Variants in TSSC4 observed in about 807,000 individuals in gnomAD.
TSSC4 encodes tumor suppressing subtransferable candidate 4.
For synonymous variants in TSSC4, 259 were observed against 197.9 expected, an observed-to-expected ratio of 1.31 and a Z score of -2.59; for missense variants, 500 against 443.9, an observed-to-expected ratio of 1.13 and a Z score of -1.14.
chr11:2,402,937 G>A lies in TSSC4; in HGVS notation c.304G>A (p.Gly102Arg). 4 of 1,611,482 alleles carry A rather than the reference G, an allele frequency of 2.5e-6. No individual in the cohort carries two copies. The highest frequency in any genetic ancestry group is 2.2e-5 in the South Asian group (2 of 90,800). ...RSRDIFDCLE[G>R]AARRAPSSVA... ...CCGTGACATCTTTGACTGCCTGGAG[G>A]GGGCGGCCAGACGGGCTCCATCCTC... is the stretch of plus-strand genomic sequence containing the variant. Residue 102 changes from glycine (G) to arginine (R), a missense_variant, in exon 3 of 3, where the codon GGG becomes AGG. Coordinates refer to ENST00000333256, the MANE Select transcript of TSSC4 (RefSeq NM_005706.4).
rs756753103 is a variant in TSSC4 at position 2,403,568 on chromosome 11, G to A, written c.935G>A (p.Arg312Gln). ...VGFHGSRKRS[R>Q]DHFRNKSSSP... is the part of the protein sequence containing the mutation. ...TTCCATGGCAGCAGGAAGCGGAGTC[G>A]AGACCACTTCCGGAACAAGAGCAGC... The change falls in exon 3 of 3, where the codon CGA (arginine) becomes CAA (glutamine). Residue 312 changes from arginine (R) to glutamine (Q), a missense_variant. Transcript: ENST00000333256. The A allele has an allele frequency of 4.5e-5, 70 of 1,564,142 alleles. No individual in the cohort carries two copies. Among genetic ancestry groups the A allele is most frequent in the Non-Finnish European group, 5.6e-5 (65 of 1,158,112 alleles).
chr11:2,401,146 C>T (rs973878526), intron 1 of TSSC4: 1 of 152,258 alleles, frequency 6.6e-6, no homozygotes, highest in African/African-American at 2.4e-5. Context: ...GTCAACTCTA[C>T]CTTCCACTCG....
chr11:2,402,510 G>C, intron 2 of TSSC4, 60 bp downstream of exon 2: 1 of 1,106,392 alleles, frequency 9.0e-7, no homozygotes, highest in Non-Finnish European at 1.3e-6. Context: ...AGTTCTGTCA[G>C]TTGACCCTCC....
Position 2,403,015 on chromosome 11 carries a change from C to T in TSSC4, c.382C>T (p.Pro128Ser), listed in dbSNP as rs1451729448. The change falls in exon 3 of 3, where the codon CCC (proline) becomes TCC (serine). Residue 128 changes from proline to serine, a missense_variant. Physicochemically the swap from Pro to Ser is moderately conservative, Grantham distance 74. Transcript: ENST00000333256. Reference protein sequence around the residue: ...DNGGFKRPLAPSGRSPVEGLG... With the variant: ...DNGGFKRPLASSGRSPVEGLG... ...CGGAGGCTTCAAGCGGCCCCTAGCG[C>T]CCTCAGGCCGGTCTCCAGTGGAAGG... 3 of 1,608,372 alleles carry T rather than the reference C, an allele frequency of 1.9e-6. No individual in the cohort carries two copies. Among genetic ancestry groups the T allele is most frequent in the African/African-American group, 1.3e-5 (1 of 74,940 alleles).
At chr11:2,401,173 A>G (rs565544664) in intron 1 of TSSC4, 5 of 152,286 alleles carry the variant, frequency 3.3e-5, no homozygotes, top group African/African-American at 1.2e-4. Context: ...GCTTTCGCCG[A>G]GAACCCCGAG....
chr11:2,403,155 C>G lies in TSSC4; in HGVS notation c.522C>G (p.Ser174Arg). ...KYSLEDVTEV[S>R]EQSNQATALA... ...GCCTGGAAGATGTGACCGAGGTCAG[C>G]GAGCAGAGCAATCAGGCCACCGCCC... The change falls in exon 3 of 3, where the codon AGC becomes AGG. Residue 174 changes from serine (S) to arginine (R), a missense_variant. By Grantham distance (110) the Ser-to-Arg change is moderately radical. Coordinates refer to ENST00000333256, the MANE Select transcript of TSSC4 (RefSeq NM_005706.4). 3.1e-6 allele frequency: 5 copies of G among 1,611,978 alleles called. No homozygotes were observed. The highest frequency in any genetic ancestry group is 4.2e-6 in the Non-Finnish European group (5 of 1,179,318).
At position 2,402,752 on chromosome 11, in the gene TSSC4, T is replaced by C; in HGVS notation, c.119T>C (p.Leu40Ser). The change falls in exon 3 of 3, where the codon TTG becomes TCG. Residue 40 changes from leucine to serine, a missense_variant. Leu to Ser is a moderately radical substitution (Grantham distance 145, BLOSUM62 -2). Transcript: ENST00000333256. ...AGTGACTCGGACTCTGACCTCAGCT[T>C]GCCCGGTGGTGCTGAAGTGGAAGCA... is the stretch of plus-strand genomic sequence containing the variant. ...SLSDSDSDLS[L>S]PGGAEVEALS... is the part of the protein sequence containing the mutation. 6.4e-7 allele frequency: 1 copy of C among 1,570,368 alleles called. No individual in the cohort carries two copies. Among genetic ancestry groups the C allele is most frequent in the Non-Finnish European group, 8.6e-7 (1 of 1,157,106 alleles).
chr11:2,403,501 A>T lies in TSSC4; in HGVS notation c.868A>T (p.Ser290Cys). The change falls in exon 3 of 3, where the codon AGT becomes TGT. Residue 290 changes from serine to cysteine, a missense_variant. Transcript: ENST00000333256. ...EVEALSGSVHSGSVPGLPPVE... is the reference protein window; with the variant it reads ...EVEALSGSVHCGSVPGLPPVE... Reference sequence around the variant, plus strand: ...GGAGGCACTGTCAGGGTCTGTCCACAGTGGGTCTGTGCCAGGTCTCCCGCC... The same window carrying T: ...GGAGGCACTGTCAGGGTCTGTCCACTGTGGGTCTGTGCCAGGTCTCCCGCC... 1 of 1,602,046 alleles carries T rather than the reference A, an allele frequency of 6.2e-7. No individual in the cohort carries two copies. Among genetic ancestry groups the T allele is most frequent in the Non-Finnish European group, 8.5e-7 (1 of 1,173,996 alleles).
rs761947656 is a variant in TSSC4 at position 2,403,453 on chromosome 11, CA to C, written c.821del (p.His274ProfsTer141). ...CCCAGAGGCTGAGGAGTGGGGCAGC[CA>C]CCATGGAGGCCTGCAGGAGGTGGAG... ...GSPEAEEWGS[H>X]HGGLQEVEAL... On this transcript the variant is annotated frameshift_variant, in exon 3 of 3. Coordinates refer to ENST00000333256, the MANE Select transcript of TSSC4 (RefSeq NM_005706.4). LOFTEE classifies it low-confidence loss of function (END_TRUNC). The C allele has an allele frequency of 5.6e-6, 9 of 1,597,182 alleles. No individual in the cohort carries two copies. The highest frequency in any genetic ancestry group is 7.7e-6 in the Non-Finnish European group (9 of 1,170,942).
rs1274482991 is a variant in TSSC4 at position 2,400,806 on chromosome 11, T to A, written c.-181+8T>A. ...CCGAGCAGCCTTGAGCCGGTAGGTT[T>A]GTGGTGAGGGAGGACGGGCCGCGCG... is the stretch of plus-strand genomic sequence containing the variant. On this transcript the variant is annotated splice_region_variant and intron_variant, in intron 1 of 2. Transcript: ENST00000333256. The A allele has an allele frequency of 6.6e-6, 1 of 151,596 alleles. No individual in the cohort carries two copies. The highest frequency in any genetic ancestry group is 1.5e-5 in the Non-Finnish European group (1 of 67,886). The allele number at this position is 151,596 out of a possible 1,614,324, so 9.4% of individuals were successfully genotyped here. A position where few individuals can be genotyped will look rare whatever the true frequency, so the allele number is the denominator to read the frequency against.
Position 2,403,097 on chromosome 11 carries a change from A to G in TSSC4, c.464A>G (p.Tyr155Cys). Reference protein sequence around the residue: ...ASPRVPPVPDYVAHPERWTKY... With the variant: ...ASPRVPPVPDCVAHPERWTKY... ...CCAAGGGTGCCTCCGGTCCCCGACTACGTGGCACACCCCGAGCGCTGGACC... is the reference window on the plus strand; with the variant it reads ...CCAAGGGTGCCTCCGGTCCCCGACTGCGTGGCACACCCCGAGCGCTGGACC... The change falls in exon 3 of 3, where the codon TAC (tyrosine) becomes TGC (cysteine). Residue 155 changes from tyrosine to cysteine, a missense_variant. By Grantham distance (194) the Tyr-to-Cys change is radical. Coordinates refer to ENST00000333256, the MANE Select transcript of TSSC4 (RefSeq NM_005706.4). 6.2e-7 allele frequency: 1 copy of G among 1,612,352 alleles called. No homozygotes were observed. Among genetic ancestry groups the G allele is most frequent in the Non-Finnish European group, 8.5e-7 (1 of 1,179,824 alleles).
Position 2,402,790 on chromosome 11 carries a change from G to C in TSSC4, c.157G>C (p.Gly53Arg). 2 of 1,575,180 alleles carry C rather than the reference G, an allele frequency of 1.3e-6. No individual in the cohort carries two copies. The highest frequency in any genetic ancestry group is 1.7e-6 in the Non-Finnish European group (2 of 1,159,736). The part of the protein sequence containing the change: ...GAEVEALSPM[G>R]LPGEEDSGPD... ...TGAAGTGGAAGCACTGTCCCCGATGGGGCTGCCTGGGGAGGAGGATTCAGG... is the reference window on the plus strand; with the variant it reads ...TGAAGTGGAAGCACTGTCCCCGATGCGGCTGCCTGGGGAGGAGGATTCAGG... The change falls in exon 3 of 3, where the codon GGG (glycine) becomes CGG (arginine). Residue 53 changes from glycine to arginine, a missense_variant. By Grantham distance (125) the Gly-to-Arg change is moderately radical (BLOSUM62 -2). Coordinates refer to ENST00000333256, the MANE Select transcript of TSSC4 (RefSeq NM_005706.4).
rs371533130 is a variant in TSSC4, at chr11:2,401,509, G to A, written c.-181+711G>A. The A allele has an allele frequency of 7.2e-5, 11 of 152,404 alleles. No homozygotes were observed. In the East Asian group the frequency reaches 1.9e-3, roughly 27 times the overall value. The allele number at this position is 152,404 out of a possible 1,614,324, so 9.4% of individuals were successfully genotyped here. On this transcript the variant is annotated intron_variant, in intron 1 of 2. Coordinates refer to ENST00000333256, the MANE Select transcript of TSSC4 (RefSeq NM_005706.4). ...AGGTCCTGCCTGTGTTCGACCTGGT[G>A]GGGGGCACTAAGAGCCCCTGATAGT...
Position 2,403,405 on chromosome 11 carries a change from G to C in TSSC4, c.772G>C (p.Ala258Pro), listed in dbSNP as rs750700815. The change falls in exon 3 of 3, where the codon GCC (alanine) becomes CCC (proline). Residue 258 changes from alanine to proline, a missense_variant. Physicochemically the swap from Ala to Pro is conservative, Grantham distance 27. Coordinates refer to ENST00000333256, the MANE Select transcript of TSSC4 (RefSeq NM_005706.4). ...CAGGGGCGAGGGCCCTGTGGAGCTGGCCCATCTGGCCGGGCCCGGGAGCCC... is the reference window on the plus strand; with the variant it reads ...CAGGGGCGAGGGCCCTGTGGAGCTGCCCCATCTGGCCGGGCCCGGGAGCCC... ...TDRGEGPVELAHLAGPGSPEA... is the reference protein window; with the variant it reads ...TDRGEGPVELPHLAGPGSPEA... The C allele has an allele frequency of 2.5e-6, 4 of 1,598,130 alleles. No individual in the cohort carries two copies. The highest frequency in any genetic ancestry group is 3.4e-6 in the Non-Finnish European group (4 of 1,171,674).
At chr11:2,402,576 CTGAGAAACAAAT>C in intron 2 of TSSC4, 23 bp from the exon 3 acceptor site, 1 of 1,502,798 alleles carries the variant, frequency 6.7e-7, no homozygotes. Flanking sequence ...ACTGTTCCTC[CTGAGAAACAAAT>C]TTTCTGGGCT....
intron 1 of TSSC4, chr11:2,401,093 G>A (rs768570781): frequency 6.6e-6 from 1 of 152,230 alleles, no homozygotes; most frequent in Non-Finnish European, 1.5e-5. Context: ...CTGCGTTCAT[G>A]TGGAGAAAGA....
rs1175744845 is a variant in TSSC4 at position 2,402,737 on chromosome 11, A to G, written c.104A>G (p.Asp35Gly). 1.9e-6 allele frequency: 3 copies of G among 1,571,868 alleles called. No individual in the cohort carries two copies. Among genetic ancestry groups the G allele is most frequent in the African/African-American group, 1.4e-5 (1 of 74,060 alleles). Residue 35 changes from aspartate to glycine, a missense_variant, in exon 3 of 3, where the codon GAC (aspartate) becomes GGC (glycine). Transcript: ENST00000333256. ...PSDTVSLSDS[D>G]SDLSLPGGAE... ...GACACAGTCTCCCTCAGTGACTCGG[A>G]CTCTGACCTCAGCTTGCCCGGTGGT...
intron 1 of TSSC4, chr11:2,401,973 C>G (rs1049116789): frequency 5.9e-5 from 9 of 152,222 alleles, no homozygotes; most frequent in African/African-American, 2.2e-4. Context: ...CCCCGTGGAT[C>G]AGGAAGGTGC....
chr11:2,403,474 G>C lies in TSSC4; in HGVS notation c.841G>C (p.Val281Leu). 1 of 1,600,092 alleles carries C rather than the reference G, an allele frequency of 6.2e-7. No individual in the cohort carries two copies. The highest frequency in any genetic ancestry group is 8.5e-7 in the Non-Finnish European group (1 of 1,172,664). Residue 281 changes from valine to leucine, a missense_variant, in exon 3 of 3, where the codon GTG becomes CTG. Val to Leu is a conservative substitution (Grantham distance 32, BLOSUM62 1). Transcript: ENST00000333256. ...WGSHHGGLQE[V>L]EALSGSVHSG... ...CAGCCACCATGGAGGCCTGCAGGAG[G>C]TGGAGGCACTGTCAGGGTCTGTCCA...
Sources: gnomAD v4.1 joint callset for allele counts on GRCh38, gnomAD v4.1.1 for gene constraint, MANE v1.5 for transcripts, NCBI Gene and HGNC (gene_info 2026-07-23, HGNC 2026-07-21) for gene names.